The following EBF2 variants were observed in gnomAD, a reference collection of about 807,000 sequenced individuals.
EBF2 encodes the protein EBF transcription factor 2.
Under a neutral mutation model 72.8 loss-of-function variants are expected in EBF2, and 21 were observed. The ratio of observed to expected loss-of-function variants is 0.29; its 90% confidence interval spans 0.20 to 0.42. The LOEUF (loss-of-function observed/expected upper bound fraction) is 0.42, where lower values mean the gene tolerates loss of function less well. Ranked by LOEUF, EBF2 falls within the 10% of genes least tolerant of loss-of-function variation. EBF2 has a pLI of 1.00. For synonymous variants in EBF2, 299 were observed against 274.2 expected (o/e 1.09, Z -0.89); for missense variants, 637 against 731.2 (o/e 0.87, Z 1.49).
intron 6 of EBF2, among the ~76,000 whole-genome samples, chr8:25,948,036 G>T (rs1803801168): frequency 6.6e-6 from 1 of 152,198 alleles, no homozygotes; most frequent in African/African-American, 2.4e-5. Flanking sequence ...CACGCACGAT[G>T]CCAGAAGTTT....
chr8:25,956,873 A>C (rs1803957425), intron 6 of EBF2, among the ~76,000 whole-genome samples: 1 of 152,234 alleles, frequency 6.6e-6, no homozygotes, highest in Admixed American at 6.5e-5. Context: ...AATCCAGACT[A>C]TTATATCAAC....
chr8:25,962,732 A>T (rs1804054700), intron 6 of EBF2, among the ~76,000 whole-genome samples: 1 of 152,210 alleles, frequency 6.6e-6, no homozygotes, highest in African/African-American at 2.4e-5. Context: ...CCCAAGTTAA[A>T]AATGATTTAC....
chr8:25,851,984 A>G (rs1801987227), intron 14 of EBF2, among the ~76,000 whole-genome samples: 1 of 152,182 alleles, frequency 6.6e-6, no homozygotes, highest in Non-Finnish European at 1.5e-5. Flanking sequence ...TTCCCATATG[A>G]TGTCTTTTAT....
chr8:25,847,159 C>T lies in EBF2; in HGVS notation c.1697-2519G>A, dbSNP rs150705048. Among the ~76,000 whole-genome samples the T allele has an allele frequency of 3.2e-3, 492 of 152,208 alleles. 5 individuals carry two copies. Among genetic ancestry groups the T allele is most frequent in the African/African-American group, 0.011 (461 of 41,536 alleles). ...GATAATTCTCTTAAGGCACTCAGTT[C>T]GGCACCTTGCCTATAGTGCTCAGGA... is the stretch of plus-strand genomic sequence containing the variant. On this transcript the variant is annotated intron_variant, in intron 15 of 15. Coordinates refer to ENST00000520164, the MANE Select transcript of EBF2 (RefSeq NM_022659.4).
At chr8:25,930,121 G>T (rs941036078) in intron 6 of EBF2, among the ~76,000 whole-genome samples, 2 of 152,140 alleles carry the variant, frequency 1.3e-5, no homozygotes, top group Non-Finnish European at 2.9e-5. Flanking sequence ...TTGTGGCAGG[G>T]ACACATGGAC....
In EBF2 at chr8:25,950,135, C is replaced by G. The variant is rs141432070; in HGVS notation, c.552-41580G>C. Among the ~76,000 whole-genome samples the G allele has an allele frequency of 3.0e-3, 460 of 152,302 alleles. 1 individual carries two copies. Among genetic ancestry groups the G allele is most frequent in the African/African-American group, 0.011 (440 of 41,570 alleles). On this transcript the variant is annotated intron_variant, in intron 6 of 15. Transcript: ENST00000520164. ...GCCACCTTAATCAGAGCATCTGAAACGAGGTGCCCCACTGAGCTGTTTCCT... is the reference window on the plus strand; with the variant it reads ...GCCACCTTAATCAGAGCATCTGAAAGGAGGTGCCCCACTGAGCTGTTTCCT...
At chr8:25,998,572 T>C (rs1255262779) in intron 6 of EBF2, among the ~76,000 whole-genome samples, 2 of 152,226 alleles carry the variant, frequency 1.3e-5, no homozygotes, top group African/African-American at 4.8e-5. Context: ...GTGGTGACGT[T>C]CTGCTTTCTT....
intron 15 of EBF2, among the ~76,000 whole-genome samples, chr8:25,844,925 C>G (rs978830656): frequency 6.6e-6 from 1 of 152,130 alleles, no homozygotes; most frequent in Non-Finnish European, 1.5e-5. Context: ...ATAAATGAGA[C>G]AACAGATGTA....
chr8:25,874,546 C>T (rs971764228), intron 10 of EBF2, among the ~76,000 whole-genome samples: 2 of 152,122 alleles, frequency 1.3e-5, no homozygotes, highest in African/African-American at 4.8e-5. Context: ...AGTTCTCTTG[C>T]ACACCTTGTC....
chr8:25,932,213 A>C (rs1803496448), intron 6 of EBF2, among the ~76,000 whole-genome samples: 1 of 152,150 alleles, frequency 6.6e-6, no homozygotes, highest in Admixed American at 6.6e-5. Context: ...TCTAAGCCTT[A>C]GTTTCCTCAT....
At chr8:25,881,122 G>A (rs1433793266) in intron 10 of EBF2, among the ~76,000 whole-genome samples, 1 of 152,126 alleles carries the variant, frequency 6.6e-6, no homozygotes. Flanking sequence ...TGACCTCCCT[G>A]CATCCAACCT....
intron 6 of EBF2, among the ~76,000 whole-genome samples, chr8:25,976,177 T>C (rs1175883512): frequency 6.6e-6 from 1 of 152,238 alleles, no homozygotes; most frequent in Non-Finnish European, 1.5e-5. Context: ...TGAAGATGAA[T>C]TAAAATGTCT....
intron 6 of EBF2, among the ~76,000 whole-genome samples, chr8:25,938,247 G>T (rs969307506): frequency 6.6e-6 from 1 of 151,576 alleles, no homozygotes; most frequent in East Asian, 1.9e-4. Flanking sequence ...TTTTTCAAGA[G>T]ATCAGAATTC....
At position 25,844,641 on chromosome 8, in the gene EBF2, C is replaced by T. The variant is rs1801795900; in HGVS notation, c.1697-1G>A. On this transcript the variant is annotated splice_acceptor_variant, in intron 15 of 15. Coordinates refer to ENST00000520164, the MANE Select transcript of EBF2 (RefSeq NM_022659.4). LOFTEE classifies it high-confidence loss of function. ...GGGGGTACAACAAGTCCGGTCATGG[C>T]TGCAAGGAAAGAGTGGCACAGGAAT... The T allele has an allele frequency of 6.2e-7, 1 of 1,613,984 alleles. No homozygotes were observed. Among genetic ancestry groups the T allele is most frequent in the Non-Finnish European group, 8.5e-7 (1 of 1,179,886 alleles).
At chr8:26,005,551 T>G (rs1242864249) in intron 6 of EBF2, among the ~76,000 whole-genome samples, 2 of 42,020 alleles carry the variant, frequency 4.8e-5, no homozygotes, top group Non-Finnish European at 3.7e-5. Flanking sequence ...TTTATATATA[T>G]ATATATATAT....
chr8:26,041,651 A>G (rs912532185), intron 2 of EBF2, among the ~76,000 whole-genome samples: 76 of 152,302 alleles, frequency 5.0e-4, no homozygotes, highest in African/African-American at 1.7e-3. Context: ...GCCTTGGAGA[A>G]CAGAACAGGA....
intron 6 of EBF2, among the ~76,000 whole-genome samples, chr8:25,963,297 C>G (rs1169261926): frequency 1.3e-5 from 2 of 152,180 alleles, no homozygotes; most frequent in Admixed American, 6.5e-5. Flanking sequence ...TTTCTCCTCC[C>G]TGATACCAGA....
chr8:25,887,367 G>A (rs1377178532), intron 9 of EBF2, among the ~76,000 whole-genome samples: 1 of 152,084 alleles, frequency 6.6e-6, no homozygotes, highest in African/African-American at 2.4e-5. Flanking sequence ...TTTTTGTCAT[G>A]TTTTATATGA....
intron 5 of EBF2, among the ~76,000 whole-genome samples, chr8:26,035,776 A>T (rs780570153): frequency 2.6e-5 from 4 of 152,196 alleles, no homozygotes; most frequent in Admixed American, 2.6e-4. Flanking sequence ...AAATTATATT[A>T]GGTCTTAACT....
Sources: allele counts gnomAD v4.1 joint callset (sites outside exome capture counted in the v4.1 genomes callset), GRCh38; gene constraint gnomAD v4.1.1; transcripts MANE v1.5; gene names NCBI Gene and HGNC (gene_info 2026-07-23, HGNC 2026-07-21).